Variants in STAG1 observed in about 807,000 individuals in gnomAD.
STAG1 encodes the protein STAG1 cohesin complex component.
In STAG1, 26 loss-of-function variants were observed where a neutral mutation model predicts 170.9. That is an observed-to-expected ratio of 0.15 (90% CI 0.11 to 0.21). STAG1 has a LOEUF of 0.21. STAG1 is among the 10% of genes least tolerant of loss of function. The pLI, the probability that STAG1 is intolerant of heterozygous loss-of-function variation, is 1.00. For synonymous variants in STAG1, 514 were observed against 497.7 expected, an observed-to-expected ratio of 1.03 and a Z score of -0.44; for missense variants, 964 against 1,509.5, an observed-to-expected ratio of 0.64 and a Z score of 5.99.
At chr3:136,546,115 A>G (rs1365687039) in intron 5 of STAG1, among the ~76,000 whole-genome samples, 6 of 152,208 alleles carry the variant, frequency 3.9e-5, no homozygotes, top group Non-Finnish European at 8.8e-5. Context: ...AGCAAGCACT[A>G]TCCTAGCTAG....
At chr3:136,651,788 C>T (rs1489342137) in intron 1 of STAG1, among the ~76,000 whole-genome samples, 1 of 152,154 alleles carries the variant, frequency 6.6e-6, no homozygotes, top group Non-Finnish European at 1.5e-5. Context: ...ATCAAGCCTA[C>T]ACCTCAGTGC....
chr3:136,441,355 A>G (rs1168025608), intron 15 of STAG1, among the ~76,000 whole-genome samples: 2 of 152,152 alleles, frequency 1.3e-5, no homozygotes, highest in Non-Finnish European at 2.9e-5. Flanking sequence ...CTTACTAAGG[A>G]TATCATGGAG....
chr3:136,417,929 T>C lies in STAG1; in HGVS notation c.2152A>G (p.Arg718Gly), dbSNP rs746215517. 4 of 1,613,908 alleles carry C rather than the reference T, an allele frequency of 2.5e-6. No homozygotes were observed. The highest frequency in any genetic ancestry group is 1.1e-5 in the South Asian group (1 of 91,084). The change falls in exon 21 of 34, where the codon AGA (arginine) becomes GGA (glycine). Residue 718 changes from arginine (R) to glycine (G), a missense_variant. Around this residue, in one of 11 missense-constraint regions of STAG1, gnomAD observed 232 missense variants for 313.0 expected, o/e 0.74. Coordinates refer to ENST00000383202, the MANE Select transcript of STAG1 (RefSeq NM_005862.3). Reference sequence around the variant, plus strand: ...TGTTCAATTCCAGTCTTCAATAATCTGTAGCAATTACCAAAGAGATCCCAT... The same window carrying C: ...TGTTCAATTCCAGTCTTCAATAATCCGTAGCAATTACCAAAGAGATCCCAT... ...TKWDLFGNCYRLLKTGIEHGA... is the reference protein window; with the variant it reads ...TKWDLFGNCYGLLKTGIEHGA...
intron 10 of STAG1, among the ~76,000 whole-genome samples, chr3:136,474,190 A>G (rs546270357): frequency 3.9e-5 from 6 of 152,308 alleles, no homozygotes; most frequent in East Asian, 3.9e-4. Context: ...AAAGTCATCA[A>G]CTTGGCGTAC....
intron 4 of STAG1, among the ~76,000 whole-genome samples, chr3:136,572,174 C>T (rs1937284616): frequency 6.6e-6 from 1 of 152,080 alleles, no homozygotes; most frequent in Non-Finnish European, 1.5e-5. Flanking sequence ...AAGATGGTGC[C>T]ACTGCACTCC....
intron 1 of STAG1, among the ~76,000 whole-genome samples, chr3:136,748,428 ACT>A (rs1431425280): frequency 1.3e-5 from 2 of 151,302 alleles, no homozygotes; most frequent in Non-Finnish European, 2.9e-5. Context: ...ACGGGGTCTC[ACT>A]CTGTCACCCA....
At chr3:136,441,120 C>G (rs2088618853) in intron 15 of STAG1, among the ~76,000 whole-genome samples, 1 of 151,418 alleles carries the variant, frequency 6.6e-6, no homozygotes, top group Non-Finnish European at 1.5e-5. Context: ...GCAATCTCTG[C>G]CTCCAGGGTT....
intron 6 of STAG1, among the ~76,000 whole-genome samples, chr3:136,541,549 C>CACAT (rs1296940186): frequency 2.0e-5 from 3 of 148,140 alleles, no homozygotes; most frequent in East Asian, 2.0e-4. Flanking sequence ...CACACACACA[C>CACAT]ACACACACAC....
intron 4 of STAG1, chr3:136,587,041 C>A: frequency 2.8e-6 from 1 of 360,528 alleles, no homozygotes; most frequent in South Asian, 2.2e-5. Flanking sequence ...GAGAAATTGT[C>A]TATCATGATA....
intron 22 of STAG1, among the ~76,000 whole-genome samples, chr3:136,384,954 C>T (rs935320303): frequency 1.2e-4 from 19 of 152,112 alleles, no homozygotes; most frequent in Non-Finnish European, 7.4e-5. Context: ...TTCCACAAAT[C>T]CCCTTTCTAG....
At chr3:136,484,354 G>T (rs1284802954) in intron 9 of STAG1, among the ~76,000 whole-genome samples, 2 of 147,652 alleles carry the variant, frequency 1.4e-5, no homozygotes, top group African/African-American at 5.0e-5. Flanking sequence ...GTGTCAGTGT[G>T]CCCCTGCTGT....
At chr3:136,705,830 A>G (rs971187159) in intron 1 of STAG1, among the ~76,000 whole-genome samples, 7 of 152,126 alleles carry the variant, frequency 4.6e-5, no homozygotes, top group South Asian at 2.1e-4. Flanking sequence ...AACTAATACA[A>G]CATATTATCA....
intron 1 of STAG1, among the ~76,000 whole-genome samples, chr3:136,747,777 ATTT>A (rs755574502): frequency 7.0e-6 from 1 of 143,702 alleles, no homozygotes; most frequent in Admixed American, 7.0e-5. Flanking sequence ...GAATTACGTA[ATTT>A]TTTTTTTTTT....
intron 9 of STAG1, among the ~76,000 whole-genome samples, chr3:136,499,338 C>G (rs1020253809): frequency 1.3e-5 from 2 of 152,132 alleles, no homozygotes; most frequent in African/African-American, 4.8e-5. Flanking sequence ...GTGCACACTA[C>G]CACACCGGGC....
At chr3:136,611,355 G>C (rs913560347) in intron 3 of STAG1, among the ~76,000 whole-genome samples, 2 of 151,894 alleles carry the variant, frequency 1.3e-5, no homozygotes, top group Non-Finnish European at 2.9e-5. Flanking sequence ...CTCCATGTTG[G>C]TCAGGCTGGT....
chr3:136,613,125 A>G (rs1351155702), intron 3 of STAG1, among the ~76,000 whole-genome samples: 1 of 151,634 alleles, frequency 6.6e-6, no homozygotes, highest in Non-Finnish European at 1.5e-5. Context: ...ACATGGTGAA[A>G]CTCTGTCCCT....
chr3:136,358,325 T>C (rs185865445), intron 27 of STAG1, among the ~76,000 whole-genome samples: 1 of 152,162 alleles, frequency 6.6e-6, no homozygotes, highest in East Asian at 1.9e-4. Flanking sequence ...GCTCAAGCAA[T>C]TGGCCTCCTT....
chr3:136,706,249 A>G (rs1236277975), intron 1 of STAG1, among the ~76,000 whole-genome samples: 3 of 152,228 alleles, frequency 2.0e-5, no homozygotes, highest in Non-Finnish European at 4.4e-5. Context: ...CTAGCCAGGC[A>G]AGAAAAGAAT....
At chr3:136,733,883 G>A (rs920207174) in intron 1 of STAG1, among the ~76,000 whole-genome samples, 3 of 152,078 alleles carry the variant, frequency 2.0e-5, no homozygotes, top group Non-Finnish European at 4.4e-5. Flanking sequence ...CAAGGCGGGC[G>A]GATCACAAGG....
Sources: allele counts gnomAD v4.1 joint callset (sites outside exome capture counted in the v4.1 genomes callset), GRCh38; gene constraint gnomAD v4.1.1; regional missense constraint gnomAD v4.1.1; transcripts MANE v1.5; gene names NCBI Gene and HGNC (gene_info 2026-07-23, HGNC 2026-07-21).